GAS2: variants seen among roughly 807,000 people sequenced by gnomAD.
GAS2 encodes growth arrest-specific protein 2.
Under a neutral mutation model 37.5 loss-of-function variants are expected in GAS2, and 20 were observed. That is an observed-to-expected ratio of 0.53 (90% CI 0.37 to 0.77). The LOEUF is 0.77. Ranked by LOEUF, GAS2 falls within the 30% of genes least tolerant of loss-of-function variation. The pLI is 0.00. For synonymous variants in GAS2, 144 were observed against 132.2 expected, an observed-to-expected ratio of 1.09 and a Z score of -0.61; for missense variants, 336 against 373.4, an observed-to-expected ratio of 0.90 and a Z score of 0.82.
At chr11:22,756,844 G>C (rs1854069990) in intron 7 of GAS2, among the ~76,000 whole-genome samples, 1 of 152,124 alleles carries the variant, frequency 6.6e-6, no homozygotes, top group South Asian at 2.1e-4. Flanking sequence ...AGACAGATCT[G>C]CGTAGATGGC....
chr11:22,689,587 T>C (rs1185723731), intron 3 of GAS2, among the ~76,000 whole-genome samples: 1 of 152,220 alleles, frequency 6.6e-6, no homozygotes, highest in Non-Finnish European at 1.5e-5. Flanking sequence ...TTCATAAATA[T>C]ACTTCTGTTA....
At chr11:22,801,323 AC>A (rs1856651746) in intron 7 of GAS2, among the ~76,000 whole-genome samples, 1 of 152,002 alleles carries the variant, frequency 6.6e-6, no homozygotes, top group African/African-American at 2.4e-5. Flanking sequence ...TCTACAACTT[AC>A]GAAATTTTCA....
intron 7 of GAS2, among the ~76,000 whole-genome samples, chr11:22,779,776 C>T (rs1855459632): frequency 6.6e-6 from 1 of 152,128 alleles, no homozygotes; most frequent in Admixed American, 6.5e-5. Flanking sequence ...AATGTACCTC[C>T]TTTCTCTATC....
intron 4 of GAS2, among the ~76,000 whole-genome samples, chr11:22,729,492 A>G (rs1852373418): frequency 6.6e-6 from 1 of 151,840 alleles, no homozygotes; most frequent in African/African-American, 2.4e-5. Flanking sequence ...TATGCCATAT[A>G]CAGGGTTTAA....
chr11:22,723,638 A>C (rs1330415186), intron 3 of GAS2, among the ~76,000 whole-genome samples: 1 of 151,940 alleles, frequency 6.6e-6, no homozygotes, highest in Non-Finnish European at 1.5e-5. Context: ...GAATTATTTT[A>C]TAGTTCCTAG....
chr11:22,684,956 A>G (rs959186059), intron 2 of GAS2, among the ~76,000 whole-genome samples: 4 of 152,184 alleles, frequency 2.6e-5, no homozygotes, highest in Non-Finnish European at 5.9e-5. Context: ...CAAGTTCCCA[A>G]TGGTGGTTTT....
At chr11:22,640,429 T>C (rs1858895465) in intron 1 of GAS2, among the ~76,000 whole-genome samples, 1 of 152,342 alleles carries the variant, frequency 6.6e-6, no homozygotes, top group Non-Finnish European at 1.5e-5. Flanking sequence ...AAAGAGCTTT[T>C]ATTTAAATAT....
intron 7 of GAS2, among the ~76,000 whole-genome samples, chr11:22,771,863 A>G (rs1854997633): frequency 6.6e-6 from 1 of 152,214 alleles, no homozygotes; most frequent in African/African-American, 2.4e-5. Context: ...AAGAACTGTT[A>G]GAAAGCTTGA....
intron 7 of GAS2, among the ~76,000 whole-genome samples, chr11:22,803,952 G>C (rs1182813716): frequency 1.3e-5 from 2 of 152,082 alleles, no homozygotes; most frequent in Admixed American, 1.3e-4. Flanking sequence ...TCCATATTCT[G>C]AAAAGGGACA....
chr11:22,699,291 C>T (rs972979231), intron 3 of GAS2, among the ~76,000 whole-genome samples: 1 of 152,074 alleles, frequency 6.6e-6, no homozygotes, highest in South Asian at 2.1e-4. Flanking sequence ...TTACTGTACC[C>T]CTTCCTTCAA....
chr11:22,691,883 C>T (rs573973095), intron 3 of GAS2, among the ~76,000 whole-genome samples: 17 of 152,108 alleles, frequency 1.1e-4, no homozygotes, highest in Non-Finnish European at 2.1e-4. Flanking sequence ...ATCCCCCTGT[C>T]ACTATTTTTT....
At chr11:22,779,834 G>A (rs560560262) in intron 7 of GAS2, among the ~76,000 whole-genome samples, 1 of 151,980 alleles carries the variant, frequency 6.6e-6, no homozygotes, top group African/African-American at 2.4e-5. Flanking sequence ...TACTCCCAAT[G>A]TCCTGTCCTA....
chr11:22,681,862 A>G (rs1448324759), intron 2 of GAS2, among the ~76,000 whole-genome samples: 2 of 152,188 alleles, frequency 1.3e-5, no homozygotes, highest in African/African-American at 4.8e-5. Flanking sequence ...TGTTGATAAT[A>G]TTAATATTAA....
At chr11:22,783,497 T>C (rs1855669337) in intron 7 of GAS2, among the ~76,000 whole-genome samples, 1 of 152,188 alleles carries the variant, frequency 6.6e-6, no homozygotes, top group Admixed American at 6.5e-5. Flanking sequence ...CTTGAGGACT[T>C]AGCCATAATT....
chr11:22,750,887 A>G (rs1306203089), intron 6 of GAS2, among the ~76,000 whole-genome samples: 1 of 151,818 alleles, frequency 6.6e-6, no homozygotes, highest in Non-Finnish European at 1.5e-5. Context: ...AGGGTTCCAG[A>G]CCACTAAAGA....
At chr11:22,751,424 T>A (rs1853721848) in intron 6 of GAS2, among the ~76,000 whole-genome samples, 1 of 151,996 alleles carries the variant, frequency 6.6e-6, no homozygotes, top group African/African-American at 2.4e-5. Context: ...GCATTTACCT[T>A]TTTGGGTATA....
At chr11:22,779,006 C>T (rs7115745) in intron 7 of GAS2, among the ~76,000 whole-genome samples, 64,781 of 150,448 alleles carry the variant, frequency 0.43, 14,193 homozygotes, top group African/African-American at 0.49. Context: ...TTCATTCTTA[C>T]ATAAACTAGG....
chr11:22,691,799 T>C (rs1455668669), intron 3 of GAS2, among the ~76,000 whole-genome samples: 17 of 152,340 alleles, frequency 1.1e-4, no homozygotes, highest in South Asian at 8.3e-4. Context: ...ATATTTAAGC[T>C]TTAAATACAC....
chr11:22,784,015 G>A (rs1392215018), intron 7 of GAS2, among the ~76,000 whole-genome samples: 1 of 152,142 alleles, frequency 6.6e-6, no homozygotes, highest in Non-Finnish European at 1.5e-5. Context: ...TTCTGTTTCT[G>A]TACCAGGACC....
Sources: gnomAD v4.1 joint callset for allele counts (sites outside exome capture counted in the v4.1 genomes callset) on GRCh38, gnomAD v4.1.1 for gene constraint, MANE v1.5 for transcripts, NCBI Gene and HGNC (gene_info 2026-07-23, HGNC 2026-07-21) for gene names.